The following NRXN3 variants were observed in gnomAD, a reference collection of about 807,000 sequenced individuals.
The protein encoded by NRXN3 is neurexin III.
A neutral mutation model predicts 137.6 loss-of-function variants in NRXN3; 32 were observed. The observed-to-expected ratio is 0.23, with a 90% CI of 0.18 to 0.31. NRXN3 has a LOEUF of 0.31. NRXN3 is among the 10% of genes least tolerant of loss of function. The pLI is 1.00. For synonymous variants in NRXN3, 798 were observed against 784.5 expected (o/e 1.02, Z -0.29); for missense variants, 1,574 against 2,062.5 (o/e 0.76, Z 4.59).
At chr14:79,005,779 CT>C (rs146760382) in intron 15 of NRXN3, among the ~76,000 whole-genome samples, 4 of 151,494 alleles carry the variant, frequency 2.6e-5, no homozygotes, top group Non-Finnish European at 5.9e-5. Context: ...CTGTGTGTGA[CT>C]TTTTTTTTCT....
At chr14:78,983,902 C>T (rs548106301) in intron 14 of NRXN3, among the ~76,000 whole-genome samples, 1 of 150,252 alleles carries the variant, frequency 6.7e-6, no homozygotes, top group African/African-American at 2.4e-5. Flanking sequence ...GCTGGAAATT[C>T]TCTTATTTGC....
chr14:78,236,994 G>A (rs76700354), intron 1 of NRXN3, among the ~76,000 whole-genome samples: 2,742 of 152,314 alleles, frequency 0.018, 35 homozygotes, highest in Non-Finnish European at 0.029. Context: ...GTCTGGAGGG[G>A]TACAGTTTAA....
intron 4 of NRXN3, among the ~76,000 whole-genome samples, chr14:78,520,211 T>C (rs1045652780): frequency 6.6e-6 from 1 of 152,196 alleles, no homozygotes; most frequent in Non-Finnish European, 1.5e-5. Context: ...TGTCCAATGG[T>C]GAGCTTATTA....
chr14:79,486,138 A>G (rs533037924), intron 16 of NRXN3, among the ~76,000 whole-genome samples: 1 of 152,248 alleles, frequency 6.6e-6, no homozygotes, highest in African/African-American at 2.4e-5. Flanking sequence ...CCATCTTGCT[A>G]CTAGCTTTAA....
intron 4 of NRXN3, among the ~76,000 whole-genome samples, chr14:78,614,477 T>C (rs2097328867): frequency 6.6e-6 from 1 of 152,106 alleles, no homozygotes; most frequent in Admixed American, 6.5e-5. Context: ...AATAACATTT[T>C]ATTAATTAAG....
chr14:79,336,067 A>T (rs1055718432), intron 15 of NRXN3, among the ~76,000 whole-genome samples: 2 of 152,196 alleles, frequency 1.3e-5, no homozygotes, highest in Non-Finnish European at 2.9e-5. Flanking sequence ...CAAGTTGGTC[A>T]GGAATGTATT....
At chr14:78,842,452 A>G (rs550664149) in intron 10 of NRXN3, among the ~76,000 whole-genome samples, 2 of 152,244 alleles carry the variant, frequency 1.3e-5, no homozygotes, top group African/African-American at 2.4e-5. Flanking sequence ...CACAGAGATC[A>G]CATGCTTCAC....
intron 15 of NRXN3, among the ~76,000 whole-genome samples, chr14:79,365,899 G>C (rs1029733437): frequency 2.0e-5 from 3 of 151,818 alleles, no homozygotes; most frequent in Non-Finnish European, 2.9e-5. Flanking sequence ...CTGTGAAAGA[G>C]GTTAAGATCA....
intron 15 of NRXN3, among the ~76,000 whole-genome samples, chr14:79,369,630 G>A (rs966486230): frequency 1.3e-5 from 2 of 152,034 alleles, no homozygotes; most frequent in African/African-American, 4.8e-5. Flanking sequence ...TTTATGTTTG[G>A]TTTCCCTGTC....
intron 10 of NRXN3, among the ~76,000 whole-genome samples, chr14:78,876,007 C>G (rs1438076071): frequency 6.6e-6 from 1 of 152,150 alleles, no homozygotes; most frequent in African/African-American, 2.4e-5. Flanking sequence ...AAAACTGGGT[C>G]TGGGCCCCAT....
intron 4 of NRXN3, among the ~76,000 whole-genome samples, chr14:78,356,199 G>T (rs1466513492): frequency 6.6e-6 from 1 of 152,152 alleles, no homozygotes; most frequent in East Asian, 1.9e-4. Context: ...AAAATCTCTG[G>T]ATCCTAACTT....
intron 14 of NRXN3, among the ~76,000 whole-genome samples, chr14:78,982,665 A>C (rs2099492403): frequency 6.6e-6 from 1 of 152,162 alleles, no homozygotes; most frequent in African/African-American, 2.4e-5. Context: ...TAAAGATTCA[A>C]ATGTTAGACC....
At chr14:79,082,720 C>T (rs567752194) in intron 15 of NRXN3, among the ~76,000 whole-genome samples, 7 of 152,034 alleles carry the variant, frequency 4.6e-5, no homozygotes, top group Non-Finnish European at 1.0e-4. Context: ...TTACATCAGG[C>T]ATGAATACTG....
chr14:78,928,304 AT>A (rs144201690), intron 10 of NRXN3, among the ~76,000 whole-genome samples: 2,237 of 150,308 alleles, frequency 0.015, 66 homozygotes, highest in African/African-American at 0.051. Context: ...ACTTACAGGG[AT>A]TTTTTTTTTA....
At position 78,440,549 on chromosome 14, in the gene NRXN3, G is replaced by A. The variant is rs530337818; in HGVS notation, c.757+142689G>A. ...ACTCGTGCATAGGTTCCTAGAGGTC[G>A]TGCAACTCACGAGATAAAGCTCCAG... On this transcript the variant is annotated intron_variant, in intron 4 of 20. Transcript: ENST00000335750. 7.1e-4 allele frequency among the ~76,000 whole-genome samples: 108 copies of A among 152,218 alleles called. 1 individual carries two copies. Among genetic ancestry groups the A allele is most frequent in the Admixed American group, 3.1e-3 (48 of 15,292 alleles).
chr14:78,862,736 C>G (rs2152534272), intron 10 of NRXN3, among the ~76,000 whole-genome samples: 1 of 151,862 alleles, frequency 6.6e-6, no homozygotes, highest in South Asian at 2.1e-4. Context: ...AAAACATGTA[C>G]AAAAAAGTAG....
chr14:78,895,266 G>A (rs1289058287), intron 10 of NRXN3, among the ~76,000 whole-genome samples: 18 of 151,876 alleles, frequency 1.2e-4, no homozygotes, highest in Admixed American at 1.1e-3. Context: ...TTAGCTGGAT[G>A]TAACGGATAA....
chr14:79,338,495 C>T (rs1337451253), intron 15 of NRXN3, among the ~76,000 whole-genome samples: 1 of 152,108 alleles, frequency 6.6e-6, no homozygotes, highest in Middle Eastern at 3.2e-3. Flanking sequence ...TTTAGAATCC[C>T]ACAGGTCTGG....
At chr14:79,006,027 C>T (rs953566642) in intron 15 of NRXN3, among the ~76,000 whole-genome samples, 3 of 152,068 alleles carry the variant, frequency 2.0e-5, no homozygotes, top group Admixed American at 1.3e-4. Context: ...TGTATCAAAC[C>T]TACATAGGAT....
Sources: allele counts gnomAD v4.1 joint callset (sites outside exome capture counted in the v4.1 genomes callset), GRCh38; gene constraint gnomAD v4.1.1; transcripts MANE v1.5; gene names NCBI Gene and HGNC (gene_info 2026-07-23, HGNC 2026-07-21).